The following USP9X variants were observed in gnomAD, a reference collection of about 807,000 sequenced individuals.
USP9X encodes the protein ubiquitin carboxyl-terminal hydrolase 9X.
In USP9X, 7 loss-of-function variants were observed where a neutral mutation model predicts 190.3. That is an observed-to-expected ratio of 0.04 (90% CI 0.02 to 0.07). The LOEUF is 0.07. Ranked by LOEUF, USP9X falls within the 10% of genes least tolerant of loss-of-function variation. The pLI, the probability that USP9X is intolerant of heterozygous loss-of-function variation, is 1.00. For synonymous variants in USP9X, 645 were observed against 659.5 expected (o/e 0.98, Z 0.34); for missense variants, 1,010 against 1,916.9 (o/e 0.53, Z 8.83).
chrX:41,117,581 T>TC (rs1461945734), intron 1 of USP9X, among the ~76,000 whole-genome samples: 9 of 101,759 alleles, frequency 8.8e-5, no homozygotes, highest in African/African-American at 3.2e-4. Flanking sequence ...TTCTTCTTCT[T>TC]TTTTTTTTTT....
At chrX:41,182,546 A>G (rs1602008639) in intron 21 of USP9X, among the ~76,000 whole-genome samples, 1 of 110,686 alleles carries the variant, frequency 9.0e-6, no homozygotes, top group Non-Finnish European at 1.9e-5. Flanking sequence ...TAATTTGACA[A>G]TGTATGTCAA....
intron 36 of USP9X, 37 bp from the exon 37 acceptor site, chrX:41,218,335 T>C (rs1378331589): frequency 8.5e-7 from 1 of 1,178,302 alleles, no homozygotes; most frequent in African/African-American, 1.8e-5. Context: ...AACAAGTTAT[T>C]GACTTAATAG....
intron 21 of USP9X, among the ~76,000 whole-genome samples, chrX:41,181,218 C>T (rs1302144176): frequency 9.2e-6 from 1 of 108,151 alleles, no homozygotes; most frequent in Non-Finnish European, 1.9e-5. Flanking sequence ...AACTGAAGCA[C>T]AGAGAGATTG....
chrX:41,194,541 C>T (rs763874791), intron 26 of USP9X, among the ~76,000 whole-genome samples: 2 of 110,402 alleles, frequency 1.8e-5, no homozygotes, highest in South Asian at 3.8e-4. Context: ...GCAACAAGAG[C>T]GAAACTCTGT....
intron 30 of USP9X, among the ~76,000 whole-genome samples, chrX:41,200,708 A>G (rs1402779893): frequency 8.9e-6 from 1 of 112,480 alleles, no homozygotes; most frequent in Non-Finnish European, 1.9e-5. Flanking sequence ...TTTGAAGGCA[A>G]AAGTATCAAA....
intron 1 of USP9X, among the ~76,000 whole-genome samples, chrX:41,089,485 G>C (rs774027190): frequency 6.3e-5 from 7 of 111,927 alleles, no homozygotes; most frequent in Admixed American, 1.9e-4. Flanking sequence ...TGGCAAATAG[G>C]TTTCTCCCCT....
intron 41 of USP9X, among the ~76,000 whole-genome samples, chrX:41,228,259 T>A (rs963133040): frequency 7.1e-4 from 80 of 112,534 alleles, no homozygotes; most frequent in Non-Finnish European, 1.3e-4. Context: ...TGGATATATA[T>A]ACACCACATT....
intron 1 of USP9X, among the ~76,000 whole-genome samples, chrX:41,103,699 A>C (rs112269384): frequency 0.19 from 21,574 of 111,522 alleles, 1,599 homozygotes; most frequent in Admixed American, 0.26. Context: ...GCAACATTAA[A>C]ATAGAAAGTG....
Position 41,155,485 on chromosome X carries a change from T to G in USP9X, c.1897+2404T>G, listed in dbSNP as rs772448338. Among the ~76,000 whole-genome samples, 139 of 112,167 alleles carry G rather than the reference T, an allele frequency of 1.2e-3. 2 individuals carry two copies. The highest frequency in any genetic ancestry group is 4.0e-3 in the African/African-American group (123 of 30,862). ...TTAATTTACCATTTTTTCTTGTTTC[T>G]GGATAGAGTTGGATGACCCAACTTC... is the stretch of plus-strand genomic sequence containing the variant. On this transcript the variant is annotated intron_variant, in intron 14 of 44. Transcript: ENST00000378308.
At chrX:41,226,096 A>G (rs930809291) in intron 41 of USP9X, among the ~76,000 whole-genome samples, 1 of 109,381 alleles carries the variant, frequency 9.1e-6, no homozygotes, top group African/African-American at 3.2e-5. Context: ...AAGCACCTTG[A>G]TGATTGATTT....
intron 10 of USP9X, 32 bp downstream of exon 10, chrX:41,143,475 T>C (rs753551244): frequency 9.0e-7 from 1 of 1,116,826 alleles, no homozygotes; most frequent in South Asian, 2.4e-5. Flanking sequence ...CTATTTAGTT[T>C]TTAAAATAAA....
intron 32 of USP9X, among the ~76,000 whole-genome samples, chrX:41,208,704 T>C (rs1336860887): frequency 1.8e-5 from 2 of 110,796 alleles, no homozygotes; most frequent in Non-Finnish European, 3.8e-5. Context: ...TGTTTGTTTG[T>C]TTGTTTGTTT....
chrX:41,166,201 A>G lies in USP9X; in HGVS notation c.2315A>G (p.Asp772Gly), dbSNP rs767321973. 8.5e-7 allele frequency: 1 copy of G among 1,182,837 alleles called. No individual in the cohort carries two copies. Among genetic ancestry groups the G allele is most frequent in the Admixed American group, 2.4e-5 (1 of 42,542 alleles). ...GATGACTTGGAGTTAATAGGATTAGATTACCTTTGGAGGGTAAGTCAAAAG... is the reference window on the plus strand; with the variant it reads ...GATGACTTGGAGTTAATAGGATTAGGTTACCTTTGGAGGGTAAGTCAAAAG... ...MMDDLELIGLDYLWRVVIQSN... is the reference protein window; with the variant it reads ...MMDDLELIGLGYLWRVVIQSN... Residue 772 changes from aspartate (D) to glycine (G), a missense_variant, in exon 16 of 45, where the codon GAT (aspartate) becomes GGT (glycine). Physicochemically the swap from Asp to Gly is moderately conservative, Grantham distance 94. Around this residue, in one of 11 missense-constraint regions of USP9X, gnomAD observed 104 missense variants for 239.8 expected, o/e 0.43. Coordinates refer to ENST00000378308, the MANE Select transcript of USP9X (RefSeq NM_001039591.3).
intron 3 of USP9X, 87 bp from the exon 4 acceptor site, chrX:41,131,370 G>T: frequency 1.5e-6 from 1 of 663,146 alleles, no homozygotes. Context: ...TATTTTCATA[G>T]CAAGATAATT....
At chrX:41,162,524 G>C (rs1388972080) in intron 14 of USP9X, among the ~76,000 whole-genome samples, 1 of 112,267 alleles carries the variant, frequency 8.9e-6, no homozygotes, top group Non-Finnish European at 1.9e-5. Context: ...GCTTCATTGT[G>C]TGTGAAGGTT....
At chrX:41,224,207 C>CA (rs1001256652) in intron 39 of USP9X, among the ~76,000 whole-genome samples, 6 of 102,232 alleles carry the variant, frequency 5.9e-5, no homozygotes, top group South Asian at 4.2e-4. Flanking sequence ...ACCCTGTGTC[C>CA]AAAAAAAAAA....
At chrX:41,106,021 C>A (rs1020869490) in intron 1 of USP9X, among the ~76,000 whole-genome samples, 4 of 112,182 alleles carry the variant, frequency 3.6e-5, no homozygotes, top group Non-Finnish European at 7.5e-5. Flanking sequence ...ATTCTAGATA[C>A]AAGTCCCTTA....
chrX:41,167,966 A>G, intron 17 of USP9X, 41 bp from the exon 18 acceptor site: 22 of 1,132,664 alleles, frequency 1.9e-5, no homozygotes, highest in Non-Finnish European at 2.5e-5. Flanking sequence ...TTTACATTTT[A>G]AAGCAATTTT....
At position 41,234,250 on chromosome X, in the gene USP9X, G is replaced by GT; in HGVS notation, c.*1732dup. On this transcript the variant is annotated 3_prime_UTR_variant, in exon 45 of 45. Coordinates refer to ENST00000378308, the MANE Select transcript of USP9X (RefSeq NM_001039591.3). ...TAACATAATCTTGTACTTTTTGTAT[G>GT]TTTTTTATATACATGTATATTTAAT... 9.0e-6 allele frequency: 1 copy of GT among 111,074 alleles called. No homozygotes were observed. The highest frequency in any genetic ancestry group is 2.8e-4 in the East Asian group (1 of 3,536). 9.2% of individuals were successfully genotyped at this position (111,074 alleles called of 1,213,427 possible). A position where few individuals can be genotyped will look rare whatever the true frequency, so the allele number is the denominator to read the frequency against.
Sources: gnomAD v4.1 joint callset for allele counts (sites outside exome capture counted in the v4.1 genomes callset) on GRCh38, gnomAD v4.1.1 for gene constraint, gnomAD v4.1.1 regional missense constraint, MANE v1.5 for transcripts, NCBI Gene and HGNC (gene_info 2026-07-23, HGNC 2026-07-21) for gene names.